CAST: variants seen among roughly 807,000 people sequenced by gnomAD.
CAST encodes the protein calpastatin, also known as MIR583 host.
CAST carries 76 observed loss-of-function variants against 119.6 expected under a neutral mutation model. The observed-to-expected ratio is 0.64, with a 90% CI of 0.53 to 0.77. The LOEUF (loss-of-function observed/expected upper bound fraction) is 0.77. CAST is among the 30% of genes least tolerant of loss of function. The probability of loss-of-function intolerance (pLI) is 0.00; values close to 1 mark genes in which losing one functional copy is unlikely to be tolerated. For synonymous variants in CAST, 319 were observed against 331.6 expected (o/e 0.96, Z 0.41); for missense variants, 953 against 946.5 (o/e 1.01, Z -0.09).
the CAST span, among the ~76,000 whole-genome samples, chr5:96,167,446 G>A: frequency 6.6e-6 from 1 of 152,212 alleles, no homozygotes; most frequent in Non-Finnish European, 1.5e-5. Flanking sequence ...ATAAAAAGGA[G>A]TGTCCATGCA....
chr5:96,255,858 A>G, the CAST span, among the ~76,000 whole-genome samples: 1 of 152,142 alleles, frequency 6.6e-6, no homozygotes, highest in East Asian at 1.9e-4. Context: ...AAAGAAATTC[A>G]GGTTACTTTA....
At chr5:96,515,451 G>C in the CAST span, among the ~76,000 whole-genome samples, 1 of 152,036 alleles carries the variant, frequency 6.6e-6, no homozygotes, top group East Asian at 1.9e-4. Flanking sequence ...GAGTGGTAAA[G>C]CAGAAAGACA....
At chr5:96,766,232 CCTT>C in intron 27 of CAST, 87 bp downstream of exon 27, 1 of 760,904 alleles carries the variant, frequency 1.3e-6, no homozygotes, top group Non-Finnish European at 2.3e-6. Flanking sequence ...TAGCTATACT[CCTT>C]TACAATAGCA....
chr5:96,077,991 A>C, the CAST span, among the ~76,000 whole-genome samples: 3 of 152,170 alleles, frequency 2.0e-5, no homozygotes, highest in Non-Finnish European at 4.4e-5. Flanking sequence ...TTTTTTTCTT[A>C]GGTGAGATTT....
chr5:96,115,331 G>C, the CAST span, among the ~76,000 whole-genome samples: 9 of 152,166 alleles, frequency 5.9e-5, no homozygotes, highest in Non-Finnish European at 4.4e-5. Context: ...AACAAACCCT[G>C]TCTTATCTGT....
chr5:96,705,959 C>T (rs527505176), intron 3 of CAST, among the ~76,000 whole-genome samples: 93 of 152,288 alleles, frequency 6.1e-4, no homozygotes, highest in African/African-American at 2.0e-3. Context: ...ACACTAAATT[C>T]GCATTTTGCT....
the CAST span, among the ~76,000 whole-genome samples, chr5:96,354,400 G>A: frequency 6.6e-6 from 1 of 152,048 alleles, no homozygotes; most frequent in Non-Finnish European, 1.5e-5. Context: ...GCTTCTCAGA[G>A]GCAGCCATTT....
At chr5:96,243,790 A>T in the CAST span, among the ~76,000 whole-genome samples, 4 of 152,168 alleles carry the variant, frequency 2.6e-5, no homozygotes, top group African/African-American at 9.6e-5. Context: ...TACTTTGGGT[A>T]AAACTACCCC....
the CAST span, among the ~76,000 whole-genome samples, chr5:96,430,382 C>T: frequency 6.6e-6 from 1 of 152,176 alleles, no homozygotes; most frequent in Non-Finnish European, 1.5e-5. Context: ...ATTGGTGATT[C>T]TCATCGCCCA....
intron 1 of CAST, among the ~76,000 whole-genome samples, chr5:96,557,792 TCAA>T (rs1242595760): frequency 6.6e-6 from 1 of 152,108 alleles, no homozygotes; most frequent in African/African-American, 2.4e-5. Context: ...ATTAGACAGA[TCAA>T]CGAGACAGAA....
At chr5:96,641,614 G>C (rs928418823) in intron 1 of CAST, among the ~76,000 whole-genome samples, 1 of 152,112 alleles carries the variant, frequency 6.6e-6, no homozygotes, top group Admixed American at 6.6e-5. Context: ...GCCTTCTTCT[G>C]CCTTCTGGCT....
the CAST span, among the ~76,000 whole-genome samples, chr5:96,228,544 A>G: frequency 6.6e-6 from 1 of 152,120 alleles, no homozygotes; most frequent in East Asian, 1.9e-4. Context: ...AGTAAATTGT[A>G]TTTGTCCCCT....
the CAST span, among the ~76,000 whole-genome samples, chr5:96,212,933 C>A: frequency 5.7e-3 from 867 of 152,056 alleles, 13 homozygotes; most frequent in African/African-American, 0.02. Context: ...GCCTGGGCAA[C>A]AAGGTAATAT....
At chr5:96,061,777 TA>T in the CAST span, among the ~76,000 whole-genome samples, 2 of 151,996 alleles carry the variant, frequency 1.3e-5, no homozygotes, top group Non-Finnish European at 2.9e-5. Flanking sequence ...AGATAGAGGA[TA>T]AGGAGGTCTG....
chr5:96,647,640 T>C (rs1206547600), intron 1 of CAST, among the ~76,000 whole-genome samples: 1 of 152,072 alleles, frequency 6.6e-6, no homozygotes, highest in African/African-American at 2.4e-5. Flanking sequence ...ATATGACAGA[T>C]TTCCTTGTTA....
the CAST span, among the ~76,000 whole-genome samples, chr5:96,470,140 A>G: frequency 1.3e-5 from 2 of 151,508 alleles, no homozygotes; most frequent in South Asian, 2.1e-4. Flanking sequence ...CCAGATGAAA[A>G]ATTAACTAGG....
chr5:96,182,842 T>C, the CAST span, among the ~76,000 whole-genome samples: 1 of 152,120 alleles, frequency 6.6e-6, no homozygotes, highest in African/African-American at 2.4e-5. Context: ...TCTACTTTAA[T>C]AATACAAGGT....
At chr5:96,741,772 T>C (rs576588786) in intron 15 of CAST, 192 bp downstream of exon 15, 2 of 539,636 alleles carry the variant, frequency 3.7e-6, no homozygotes, top group African/African-American at 3.8e-5. Context: ...CTGTAACTGC[T>C]TGTGAATGAT....
At chr5:96,594,386 A>G (rs1747017352) in intron 1 of CAST, among the ~76,000 whole-genome samples, 1 of 152,230 alleles carries the variant, frequency 6.6e-6, no homozygotes, top group African/African-American at 2.4e-5. Context: ...AAACAGAAAA[A>G]CAGTCGAGTT....
Sources: gnomAD v4.1 joint callset for allele counts (sites outside exome capture counted in the v4.1 genomes callset) on GRCh38, gnomAD v4.1.1 for gene constraint, MANE v1.5 for transcripts, NCBI Gene and HGNC (gene_info 2026-07-23, HGNC 2026-07-21) for gene names.